The following AHNAK variants were observed in gnomAD, a reference collection of about 807,000 sequenced individuals.
AHNAK encodes the protein AHNAK nucleoprotein.
A neutral mutation model predicts 37.8 loss-of-function variants in AHNAK; 23 were observed. The ratio of observed to expected loss-of-function variants is 0.61; its 90% CI spans 0.44 to 0.86. The LOEUF (loss-of-function observed/expected upper bound fraction) is 0.86. AHNAK is among the 40% of genes least tolerant of loss of function. The probability of loss-of-function intolerance (pLI) is 0.00; values close to 1 mark genes in which losing one functional copy is unlikely to be tolerated. For missense variants in AHNAK, 7,411 were observed against 7,319.4 expected (o/e 1.01, Z -0.46); for synonymous variants, 2,481 against 2,636.3 (o/e 0.94, Z 1.80).
At chr11:62,442,320 G>T (rs542544161) in intron 5 of AHNAK, among the ~76,000 whole-genome samples, 24 of 152,234 alleles carry the variant, frequency 1.6e-4, no homozygotes, top group Admixed American at 7.2e-4. Context: ...GGCTGAAGCG[G>T]GCAGATTGCT....
At chr11:62,439,730 C>T (rs567541152) in intron 5 of AHNAK, among the ~76,000 whole-genome samples, 16 of 140,922 alleles carry the variant, frequency 1.1e-4, no homozygotes, top group Admixed American at 3.1e-4. Context: ...TGTAGTGGCG[C>T]GATCTCAGCT....
Position 62,526,991 on chromosome 11 carries a change from G to A in AHNAK, c.7426C>T (p.Pro2476Ser), listed in dbSNP as rs554730627. The A allele has an allele frequency of 1.9e-6, 3 of 1,613,942 alleles. No homozygotes were observed. Among genetic ancestry groups the A allele is most frequent in the African/African-American group, 2.7e-5 (2 of 74,990 alleles). Residue 2476 changes from proline to serine, a missense_variant, in exon 5 of 5, where the codon CCT (proline) becomes TCT (serine). Physicochemically the swap from Pro to Ser is moderately conservative, Grantham distance 74 (BLOSUM62 -1). Transcript: ENST00000378024. ...ACTTCAAGTTTACCTTCTACCTCAG[G>A]CACAGACACATCCACATCCCCCTTG... Reference protein sequence around the residue: ...KIKGDVDVSVPEVEGKLEVPD... With the variant: ...KIKGDVDVSVSEVEGKLEVPD...
chr11:62,468,231 C>T (rs1759601978), intron 5 of AHNAK, among the ~76,000 whole-genome samples: 1 of 152,102 alleles, frequency 6.6e-6, no homozygotes, highest in Admixed American at 6.6e-5. Flanking sequence ...GCCTGTAGTC[C>T]TAGCTACTTG....
chr11:62,534,916 G>T, intron 4 of AHNAK, 87 bp downstream of exon 4: 1 of 1,417,730 alleles, frequency 7.1e-7, no homozygotes. Context: ...AGAGGGTCCG[G>T]AGGCACATGG....
chr11:62,477,942 CATGTGT>C (rs1356208902), intron 5 of AHNAK, among the ~76,000 whole-genome samples: 5 of 152,076 alleles, frequency 3.3e-5, no homozygotes, highest in Non-Finnish European at 7.4e-5. Context: ...CAAGGAGTAA[CATGTGT>C]ATAGGTACAG....
chr11:62,471,979 C>T (rs1939044241), intron 5 of AHNAK, among the ~76,000 whole-genome samples: 1 of 152,136 alleles, frequency 6.6e-6, no homozygotes, highest in Non-Finnish European at 1.5e-5. Flanking sequence ...GCTGCTACGA[C>T]CACTCGCCCC....
chr11:62,516,401 C>T lies in AHNAK; in HGVS notation c.*343G>A, dbSNP rs1344568267. 1 of 1,248,366 alleles carries T rather than the reference C, an allele frequency of 8.0e-7. No homozygotes were observed. Among genetic ancestry groups the T allele is most frequent in the African/African-American group, 1.6e-5 (1 of 63,992 alleles). 77.3% of individuals were successfully genotyped at this position (1,248,366 alleles called of 1,614,324 possible). On this transcript the variant is annotated 3_prime_UTR_variant, in exon 5 of 5. Transcript: ENST00000378024. ...AAAGTGGGTTTCCATTACCCCAAAA[C>T]TAACAATGTTCAGTAAAAATGAGGA...
chr11:62,524,536 G>A lies in AHNAK; in HGVS notation c.9881C>T (p.Ser3294Phe). ...CAAATTCAAGTCAATTTCTGGCATG[G>A]AGATCTTGGGCATGTTTACATGCAT... ...PDMHVNMPKI[S>F]MPEIDLNLKG... The change falls in exon 5 of 5, where the codon TCC becomes TTC. Residue 3294 changes from serine (S) to phenylalanine (F), a missense_variant. By Grantham distance (155) the Ser-to-Phe change is radical (BLOSUM62 -2). Transcript: ENST00000378024. 1.9e-6 allele frequency: 3 copies of A among 1,614,136 alleles called. No individual in the cohort carries two copies. The highest frequency in any genetic ancestry group is 2.2e-5 in the East Asian group (1 of 44,888).
intron 5 of AHNAK, among the ~76,000 whole-genome samples, chr11:62,447,925 A>G (rs1938450803): frequency 6.6e-6 from 1 of 152,256 alleles, no homozygotes; most frequent in East Asian, 1.9e-4. Flanking sequence ...TGATCAGTGT[A>G]TGCTCTGAAT....
chr11:62,519,751 C>G lies in AHNAK; in HGVS notation c.14666G>C (p.Arg4889Pro). 6.2e-7 allele frequency: 1 copy of G among 1,613,368 alleles called. No individual in the cohort carries two copies. The highest frequency in any genetic ancestry group is 8.5e-7 in the Non-Finnish European group (1 of 1,179,690). ...GGCATCAGGGCCTTCGAAATCCAGACGTGGACCTTTAAGATCTACTTCTGG... is the reference window on the plus strand; with the variant it reads ...GGCATCAGGGCCTTCGAAATCCAGAGGTGGACCTTTAAGATCTACTTCTGG... ...KGPEVDLKGP[R>P]LDFEGPDAKL... The change falls in exon 5 of 5, where the codon CGT (arginine) becomes CCT (proline). Residue 4889 changes from arginine to proline, a missense_variant. Transcript: ENST00000378024.
chr11:62,524,640 C>G lies in AHNAK; in HGVS notation c.9777G>C (p.Lys3259Asn). The G allele has an allele frequency of 1.9e-6, 3 of 1,614,216 alleles. No individual in the cohort carries two copies. The highest frequency in any genetic ancestry group is 2.5e-6 in the Non-Finnish European group (3 of 1,180,044). Residue 3259 changes from lysine to asparagine, a missense_variant, in exon 5 of 5, where the codon AAG becomes AAC. Physicochemically the swap from Lys to Asn is moderately conservative, Grantham distance 94 (BLOSUM62 0). Coordinates refer to ENST00000378024, the MANE Select transcript of AHNAK (RefSeq NM_001620.3). ...CAATATCTGGAGCATCTACATCTAT[C>G]TTTGGGCCTTTTATGTCAAGAGCAG... ...KGPALDIKGP[K>N]IDVDAPDIDI... is the part of the protein sequence containing the mutation.
rs1282023195 is a variant in AHNAK, at chr11:62,522,443, G to A, written c.11974C>T (p.Pro3992Ser). The change falls in exon 5 of 5, where the codon CCA becomes TCA. Residue 3992 changes from proline to serine, a missense_variant. Transcript: ENST00000378024. Reference protein sequence around the residue: ...AKLKGPKFKMPEMNIKAPKIS... With the variant: ...AKLKGPKFKMSEMNIKAPKIS... ...TTGGGGGCTTTGATGTTCATCTCTG[G>A]CATCTTGAATTTAGGGCCCTTCAGT... 1 of 1,613,678 alleles carries A rather than the reference G, an allele frequency of 6.2e-7. No individual in the cohort carries two copies. Among genetic ancestry groups the A allele is most frequent in the Admixed American group, 1.7e-5 (1 of 59,942 alleles).
chr11:62,502,637 C>T (rs1939734005), intron 4 of AHNAK, among the ~76,000 whole-genome samples: 1 of 152,092 alleles, frequency 6.6e-6, no homozygotes, highest in African/African-American at 2.4e-5. Flanking sequence ...CCATTGGCCA[C>T]TAATATTTTA....
In AHNAK at chr11:62,526,080, G is replaced by T. The variant is rs754508241; in HGVS notation, c.8337C>A (p.Phe2779Leu). ...IKMPKISMPGFKGEGPDVDVN... is the reference protein window; with the variant it reads ...IKMPKISMPGLKGEGPDVDVN... The stretch of plus-strand genomic sequence containing the variant: ...CGTCCACATCTGGACCTTCTCCTTT[G>T]AAGCCAGGCATGCTGATCTTGGGCA... Residue 2779 changes from phenylalanine to leucine, a missense_variant, in exon 5 of 5, where the codon TTC becomes TTA. Phe to Leu is a conservative substitution (Grantham distance 22). Coordinates refer to ENST00000378024, the MANE Select transcript of AHNAK (RefSeq NM_001620.3). The T allele has an allele frequency of 1.9e-6, 3 of 1,613,368 alleles. No individual in the cohort carries two copies. The highest frequency in any genetic ancestry group is 2.5e-6 in the Non-Finnish European group (3 of 1,179,886).
downstream of AHNAK, among the ~76,000 whole-genome samples, chr11:62,515,615 A>G (rs888088962): frequency 6.6e-6 from 1 of 152,218 alleles, no homozygotes. Context: ...TCTGTAACCC[A>G]TTTAGAACCA....
intron 5 of AHNAK, among the ~76,000 whole-genome samples, chr11:62,458,040 A>C (rs1938702637): frequency 6.6e-6 from 1 of 151,046 alleles, no homozygotes; most frequent in African/African-American, 2.4e-5. Flanking sequence ...CAGCCTCCCG[A>C]GTAGCTGGGA....
At position 62,521,748 on chromosome 11, in the gene AHNAK, C is replaced by T. The variant is rs745528072; in HGVS notation, c.12669G>A (p.Lys4223=). The T allele has an allele frequency of 1.9e-6, 3 of 1,613,138 alleles. No homozygotes were observed. The highest frequency in any genetic ancestry group is 1.7e-5 in the Admixed American group (1 of 59,918). Residue 4223 remains lysine (K), a synonymous_variant, in exon 5 of 5, where the codon AAG becomes AAA. Coordinates refer to ENST00000378024, the MANE Select transcript of AHNAK (RefSeq NM_001620.3). ...TCACATCAGGAACATCAATGTCCAC[C>T]TTGGGTCCTGAGACGTCAAGGTCAG... is the stretch of plus-strand genomic sequence containing the variant. ...PKADLDVSGP[K]VDIDVPDVNI... is the part of the protein sequence containing the mutation.
At position 62,528,639 on chromosome 11, in the gene AHNAK, A is replaced by C; in HGVS notation, c.5778T>G (p.Asp1926Glu). ...TGGGGCCTTTCAAGTGTAAGTCCAC[A>C]TCAGGCATGGAGATCTTGGGGGCCT... ...HFKAPKISMP[D>E]VDLHLKGPKV... The change falls in exon 5 of 5, where the codon GAT (aspartate) becomes GAG (glutamate). Residue 1926 changes from aspartate (D) to glutamate (E), a missense_variant. Asp to Glu is a conservative substitution (Grantham distance 45). Transcript: ENST00000378024. 2 of 1,610,370 alleles carry C rather than the reference A, an allele frequency of 1.2e-6. No individual in the cohort carries two copies. The highest frequency in any genetic ancestry group is 1.7e-6 in the Non-Finnish European group (2 of 1,179,252).
rs747487441 is a variant in AHNAK at position 62,528,343 on chromosome 11, A to T, written c.6074T>A (p.Ile2025Asn). ...EGEMKVPDVD[I>N]KGPKMDIDAP... The stretch of plus-strand genomic sequence containing the variant: ...ATCAATGTCCATTTTGGGTCCTTTG[A>T]TGTCAACATCTGGCACTTTCATTTC... The change falls in exon 5 of 5, where the codon ATC becomes AAC. Residue 2025 changes from isoleucine (I) to asparagine (N), a missense_variant. Coordinates refer to ENST00000378024, the MANE Select transcript of AHNAK (RefSeq NM_001620.3). 1 of 1,613,842 alleles carries T rather than the reference A, an allele frequency of 6.2e-7. No homozygotes were observed. Among genetic ancestry groups the T allele is most frequent in the Non-Finnish European group, 8.5e-7 (1 of 1,179,992 alleles).
Sources: allele counts gnomAD v4.1 joint callset (sites outside exome capture counted in the v4.1 genomes callset), GRCh38; gene constraint gnomAD v4.1.1; transcripts MANE v1.5; gene names NCBI Gene and HGNC (gene_info 2026-07-23, HGNC 2026-07-21).